The following CTPS2 variants were observed in gnomAD, a reference collection of about 807,000 sequenced individuals.
CTPS2 encodes CTP synthase II.
Under a neutral mutation model 46.8 loss-of-function variants are expected in CTPS2, and 19 were observed. That is an observed-to-expected ratio of 0.41 (90% CI 0.28 to 0.60). CTPS2 has a LOEUF of 0.60. Among genes scored for constraint, CTPS2 ranks in the 20% least tolerant of loss-of-function variants. The probability of loss-of-function intolerance (pLI) is 0.35; values close to 1 mark genes in which losing one functional copy is unlikely to be tolerated. For synonymous variants in CTPS2, 151 were observed against 165.2 expected, an observed-to-expected ratio of 0.91 and a Z score of 0.66; for missense variants, 286 against 447.6, an observed-to-expected ratio of 0.64 and a Z score of 3.26.
At position 16,641,372 on chromosome X, in the gene CTPS2, G is replaced by A. The variant is rs1003518307; in HGVS notation, c.1297-2129C>T. Among the ~76,000 whole-genome samples, 3 of 112,284 alleles carry A rather than the reference G, an allele frequency of 2.7e-5. No individual in the cohort carries two copies. The South Asian group carries it at 1.1e-3, about 42-fold the overall frequency. On this transcript the variant is annotated intron_variant, in intron 13 of 18. Transcript: ENST00000359276. ...CAATACCCAAGAAGAGTCTTTACAT[G>A]TAGTTTGTTCAGTTACTGGCAAGGT...
At chrX:16,630,010 C>T (rs892043413) in intron 14 of CTPS2, among the ~76,000 whole-genome samples, 1 of 111,297 alleles carries the variant, frequency 9.0e-6, no homozygotes, top group African/African-American at 3.3e-5. Flanking sequence ...GTCCAGAAGG[C>T]TTCACTCGTG....
chrX:16,693,353 C>CT lies in CTPS2; in HGVS notation c.555+17dup, dbSNP rs1431758372. 12 of 1,127,903 alleles carry CT rather than the reference C, an allele frequency of 1.1e-5. No individual in the cohort carries two copies. The South Asian group carries it at 1.6e-4, about 15-fold the overall frequency. 93.0% of individuals were successfully genotyped at this position (1,127,903 alleles called of 1,213,427 possible). Reference sequence around the variant, plus strand: ...ACTTATCAAAGTTGCTGTCCACATACTTATCTGGAAAGCCCACCTGTGGGA... The same window carrying CT: ...ACTTATCAAAGTTGCTGTCCACATACTTTATCTGGAAAGCCCACCTGTGGGA... On this transcript the variant is annotated intron_variant, in intron 5 of 18. Coordinates refer to ENST00000359276, the MANE Select transcript of CTPS2 (RefSeq NM_175859.3).
intron 16 of CTPS2, among the ~76,000 whole-genome samples, chrX:16,613,205 T>C (rs1337553449): frequency 8.9e-6 from 1 of 112,223 alleles, no homozygotes; most frequent in African/African-American, 3.2e-5. Flanking sequence ...CTAAAGCATA[T>C]AGGCTGGAAA....
chrX:16,705,078 G>A (rs1350059832), intron 1 of CTPS2, among the ~76,000 whole-genome samples: 1 of 110,242 alleles, frequency 9.1e-6, no homozygotes, highest in Non-Finnish European at 1.9e-5. Context: ...GCATAGCAGT[G>A]GGGGAGAGGG....
At chrX:16,595,162 T>TAC (rs10643985) in intron 17 of CTPS2, among the ~76,000 whole-genome samples, 10,180 of 102,502 alleles carry the variant, frequency 0.099, 436 homozygotes, top group African/African-American at 0.13. Context: ...AGCAATCTTT[T>TAC]ACACACACAC....
At chrX:16,638,927 G>A in intron 14 of CTPS2, 1 of 529,912 alleles carries the variant, frequency 1.9e-6, no homozygotes. Context: ...GGCATTCAGT[G>A]TGTTCTACTG....
chrX:16,671,562 T>C (rs1921755408), intron 10 of CTPS2, among the ~76,000 whole-genome samples: 1 of 91,894 alleles, frequency 1.1e-5, no homozygotes, highest in Non-Finnish European at 2.1e-5. Context: ...TCACCCTGCC[T>C]GGAGTGCAGT....
chrX:16,620,729 A>G lies in CTPS2; in HGVS notation c.1394-397T>C, dbSNP rs1014012714. Among the ~76,000 whole-genome samples, 8 of 112,100 alleles carry G rather than the reference A, an allele frequency of 7.1e-5. No individual in the cohort carries two copies. The Admixed American group carries it at 7.5e-4, about 11-fold the overall frequency. ...AAGAAAACAAAACTGGGGGCAGGGA[A>G]GAGACTTGCCCAAAGCCCTGCCTTG... is the stretch of plus-strand genomic sequence containing the variant. On this transcript the variant is annotated intron_variant, in intron 14 of 18. Coordinates refer to ENST00000359276, the MANE Select transcript of CTPS2 (RefSeq NM_175859.3).
chrX:16,617,234 G>A lies in CTPS2; in HGVS notation c.1462C>T (p.Leu488=), dbSNP rs761440751. 3 of 1,205,491 alleles carry A rather than the reference G, an allele frequency of 2.5e-6. No individual in the cohort carries two copies. The South Asian group carries it at 5.4e-5, about 22-fold the overall frequency. The stretch of plus-strand genomic sequence containing the variant: ...TCATTCTGCTCAAATTGTTTGATCA[G>A]GTTAGGGTTTACCTGCAAAACAAGA... The part of the protein sequence containing the change: ...HRHRFEVNPN[L]IKQFEQNDLS... The change falls in exon 16 of 19, where the codon CTG becomes TTG. Residue 488 remains leucine, a synonymous_variant. Transcript: ENST00000359276.
rs748594598 is a variant in CTPS2, at chrX:16,680,864, C to T, written c.1005+2230G>A. On this transcript the variant is annotated intron_variant, in intron 9 of 18. Coordinates refer to ENST00000359276, the MANE Select transcript of CTPS2 (RefSeq NM_175859.3). ...TTGAGCAGTTCGAGACCAGCCTGGGCAACATAGCGAGACCCCGTCTCTATA... is the reference window on the plus strand; with the variant it reads ...TTGAGCAGTTCGAGACCAGCCTGGGTAACATAGCGAGACCCCGTCTCTATA... 1.7e-4 allele frequency among the ~76,000 whole-genome samples: 19 copies of T among 110,746 alleles called. No homozygotes were observed. The East Asian group carries it at 5.1e-3, about 30-fold the overall frequency.
rs774642092 is a variant in CTPS2 at position 16,670,561 on chromosome X, C to A, written c.1189+19G>T. The A allele has an allele frequency of 1.7e-6, 2 of 1,149,874 alleles. No individual in the cohort carries two copies. The highest frequency in any genetic ancestry group is 1.8e-5 in the African/African-American group (1 of 55,706). The allele number at this position is 1,149,874 out of a possible 1,213,427, so 94.8% of individuals were successfully genotyped here. A position where few individuals can be genotyped will look rare whatever the true frequency, so the allele number is the denominator to read the frequency against. Reference sequence around the variant, plus strand: ...AATCTAATAAACTCATAGTTAGGGTCAATAAACATGAGTTTTACCCAGAAA... The same window carrying A: ...AATCTAATAAACTCATAGTTAGGGTAAATAAACATGAGTTTTACCCAGAAA... On this transcript the variant is annotated intron_variant, in intron 11 of 18. Transcript: ENST00000359276.
chrX:16,674,696 G>A (rs1484851629), intron 10 of CTPS2, among the ~76,000 whole-genome samples: 6 of 106,578 alleles, frequency 5.6e-5, no homozygotes, highest in African/African-American at 6.9e-5. Context: ...AAATTAGCCG[G>A]GCGTGGTGGC....
chrX:16,653,193 G>A (rs1932732599), intron 13 of CTPS2, among the ~76,000 whole-genome samples: 1 of 110,939 alleles, frequency 9.0e-6, no homozygotes, highest in African/African-American at 3.3e-5. Context: ...ATTTTGCACA[G>A]ATAGACTCCT....
intron 15 of CTPS2, among the ~76,000 whole-genome samples, chrX:16,619,771 C>T (rs763691641): frequency 8.9e-6 from 1 of 111,925 alleles, no homozygotes; most frequent in South Asian, 3.7e-4. Flanking sequence ...GCAACCTCAA[C>T]AATTAACTCC....
chrX:16,590,891 A>C, intron 17 of CTPS2, 29 bp from the exon 18 acceptor site: 1 of 1,060,901 alleles, frequency 9.4e-7, no homozygotes, highest in East Asian at 3.0e-5. Flanking sequence ...TAATTTAGCA[A>C]GGTATAAAAA....
At chrX:16,609,817 G>C in intron 16 of CTPS2, 132 bp from the exon 17 acceptor site, 1 of 652,926 alleles carries the variant, frequency 1.5e-6, no homozygotes, top group Admixed American at 4.5e-5. Context: ...ATTACAGCCA[G>C]TTACTTTCAC....
chrX:16,706,167 TA>T (rs1449077042), intron 1 of CTPS2, among the ~76,000 whole-genome samples: 1 of 110,984 alleles, frequency 9.0e-6, no homozygotes, highest in East Asian at 2.8e-4. Context: ...CTCACGCCTA[TA>T]ATCCCAGCAC....
chrX:16,607,892 C>G (rs189354474), intron 17 of CTPS2, among the ~76,000 whole-genome samples: 1 of 113,101 alleles, frequency 8.8e-6, no homozygotes, highest in East Asian at 2.8e-4. Flanking sequence ...GAAAAATAAA[C>G]TCTCCCCAAA....
chrX:16,686,659 G>A (rs201574763), intron 8 of CTPS2, among the ~76,000 whole-genome samples: 36 of 112,336 alleles, frequency 3.2e-4, no homozygotes, highest in African/African-American at 9.7e-4. Flanking sequence ...ATCCCAACAC[G>A]TTAGGAGGCT....
Sources: allele counts gnomAD v4.1 joint callset (sites outside exome capture counted in the v4.1 genomes callset), GRCh38; gene constraint gnomAD v4.1.1; transcripts MANE v1.5; gene names NCBI Gene and HGNC (gene_info 2026-07-23, HGNC 2026-07-21).